Variants in LRP1B observed in about 807,000 individuals in gnomAD.
The protein encoded by LRP1B is LDL receptor related protein 1B, also known as low-density lipoprotein receptor-related protein 1B.
Under a neutral mutation model 556.6 loss-of-function variants are expected in LRP1B, and 217 were observed. That is an observed-to-expected ratio of 0.39 (90% confidence interval 0.35 to 0.44). The LOEUF is 0.44. LRP1B is among the 20% of genes least tolerant of loss of function. The probability of loss-of-function intolerance (pLI) is 1.00; values close to 1 mark genes in which losing one functional copy is unlikely to be tolerated. For missense variants in LRP1B, 5,053 were observed against 5,620.8 expected (o/e 0.90, Z 3.23); for synonymous variants, 2,047 against 1,865.8 (o/e 1.10, Z -2.50).
intron 62 of LRP1B, among the ~76,000 whole-genome samples, chr2:140,451,680 T>C (rs1686891965): frequency 6.6e-6 from 1 of 152,140 alleles, no homozygotes; most frequent in Non-Finnish European, 1.5e-5. Flanking sequence ...ACAGTTCTTT[T>C]CATTAGAATT....
intron 1 of LRP1B, among the ~76,000 whole-genome samples, chr2:141,904,911 T>A (rs1454840285): frequency 6.6e-6 from 1 of 151,944 alleles, no homozygotes; most frequent in Admixed American, 6.6e-5. Context: ...CCTGACCACC[T>A]ACTTGGGTAA....
At position 141,370,845 on chromosome 2, in the gene LRP1B, T is replaced by C. The variant is rs575063127; in HGVS notation, c.343+109551A>G. Among the ~76,000 whole-genome samples the C allele has an allele frequency of 2.8e-3, 421 of 152,296 alleles. 1 individual carries two copies. Among genetic ancestry groups the C allele is most frequent in the Non-Finnish European group, 3.8e-3 (257 of 68,010 alleles). ...TATATGATGAGATATATGGATCCAG[T>C]TTCATTCTCCTGCATACGGCAGTCC... On this transcript the variant is annotated intron_variant, in intron 3 of 90. Transcript: ENST00000389484.
chr2:141,613,865 G>A (rs1049586898), intron 2 of LRP1B, among the ~76,000 whole-genome samples: 1 of 151,942 alleles, frequency 6.6e-6, no homozygotes, highest in African/African-American at 2.4e-5. Context: ...CTTAAGTCGG[G>A]AGTTCAAGAC....
rs576244982 is a variant in LRP1B, at chr2:141,856,511, C to T, written c.83-46110G>A. 3.3e-5 allele frequency among the ~76,000 whole-genome samples: 5 copies of T among 152,254 alleles called. 1 individual carries two copies. Among genetic ancestry groups the T allele is most frequent in the African/African-American group, 1.2e-4 (5 of 41,560 alleles). ...TTGAAAACAATTAATAGATCACTCC[C>T]CAGCTGCTACTTCTGAAAGCTAAAC... On this transcript the variant is annotated intron_variant, in intron 1 of 90. Transcript: ENST00000389484.
chr2:141,986,700 C>T (rs1332294451), intron 1 of LRP1B, among the ~76,000 whole-genome samples: 1 of 151,884 alleles, frequency 6.6e-6, no homozygotes, highest in Non-Finnish European at 1.5e-5. Flanking sequence ...CAGACCAATA[C>T]AATCTCTTAA....
intron 83 of LRP1B, among the ~76,000 whole-genome samples, chr2:140,303,053 G>T (rs917622763): frequency 8.2e-5 from 5 of 60,812 alleles, no homozygotes; most frequent in South Asian, 5.4e-4. Context: ...ATATATATAT[G>T]GACATACACA....
chr2:140,437,635 T>C (rs1327997334), intron 66 of LRP1B, among the ~76,000 whole-genome samples: 1 of 152,250 alleles, frequency 6.6e-6, no homozygotes, highest in Non-Finnish European at 1.5e-5. Flanking sequence ...ATAGGTTATC[T>C]TGAAATCATG....
chr2:140,733,905 A>T (rs764304532), intron 35 of LRP1B, among the ~76,000 whole-genome samples: 3 of 152,210 alleles, frequency 2.0e-5, no homozygotes, highest in African/African-American at 2.4e-5. Flanking sequence ...TTCCTAATCA[A>T]ATCACCTATG....
intron 66 of LRP1B, among the ~76,000 whole-genome samples, chr2:140,400,392 C>T (rs944383497): frequency 5.3e-5 from 8 of 152,144 alleles, no homozygotes; most frequent in Non-Finnish European, 8.8e-5. Flanking sequence ...GGATGAATCT[C>T]GTTCCTGTAG....
intron 3 of LRP1B, among the ~76,000 whole-genome samples, chr2:141,269,264 A>G (rs1685001079): frequency 6.6e-6 from 1 of 152,228 alleles, no homozygotes; most frequent in African/African-American, 2.4e-5. Flanking sequence ...CAGGACAGAT[A>G]AAACCAGACA....
intron 41 of LRP1B, among the ~76,000 whole-genome samples, chr2:140,634,814 A>C (rs933377202): frequency 6.6e-6 from 1 of 152,114 alleles, no homozygotes. Flanking sequence ...AAATTCTGAG[A>C]AACTGCCATG....
At chr2:142,037,091 AC>A in intron 1 of LRP1B, among the ~76,000 whole-genome samples, 1 of 151,752 alleles carries the variant, frequency 6.6e-6, no homozygotes, top group Non-Finnish European at 1.5e-5. Context: ...TTCTTTATTC[AC>A]GTTCATAAAT....
chr2:140,506,647 T>C, intron 53 of LRP1B, 149 bp downstream of exon 53: 1 of 714,664 alleles, frequency 1.4e-6, no homozygotes. Flanking sequence ...AAATAAGTTA[T>C]ATGTGCTGTG....
At chr2:140,233,683 G>A (rs1680570543) in intron 90 of LRP1B, among the ~76,000 whole-genome samples, 1 of 151,138 alleles carries the variant, frequency 6.6e-6, no homozygotes, top group South Asian at 2.1e-4. Context: ...TTTTTGTGTT[G>A]TCCCCCTTAT....
intron 7 of LRP1B, among the ~76,000 whole-genome samples, chr2:141,179,544 G>A (rs1174717162): frequency 3.3e-5 from 5 of 151,970 alleles, no homozygotes; most frequent in Non-Finnish European, 7.4e-5. Flanking sequence ...CATTTTATCT[G>A]TAGTTAATGG....
At chr2:141,771,931 G>A (rs1463848067) in intron 2 of LRP1B, among the ~76,000 whole-genome samples, 1 of 152,100 alleles carries the variant, frequency 6.6e-6, no homozygotes, top group East Asian at 1.9e-4. Context: ...CAATTCTCCT[G>A]CCTCAGCCTC....
intron 43 of LRP1B, among the ~76,000 whole-genome samples, chr2:140,587,897 C>T (rs1328121112): frequency 6.7e-6 from 1 of 148,952 alleles, no homozygotes; most frequent in Non-Finnish European, 1.5e-5. Context: ...TAATAGATAT[C>T]TCATCAGAAA....
At position 140,353,012 on chromosome 2, in the gene LRP1B, G is replaced by A. The variant is rs2105122048; in HGVS notation, c.11591C>T (p.Ser3864Leu). 1 of 1,612,696 alleles carries A rather than the reference G, an allele frequency of 6.2e-7. No homozygotes were observed. The highest frequency in any genetic ancestry group is 1.3e-5 in the African/African-American group (1 of 74,962). ...CSHQCINVEGSYKCVCDQNFQ... is the reference protein window; with the variant it reads ...CSHQCINVEGLYKCVCDQNFQ... ...ATTCTGGTCACACACACATTTATAT[G>A]ATCCTTCCACATTTATACATTGATG... is the stretch of plus-strand genomic sequence containing the variant. The change falls in exon 76 of 91, where the codon TCA (serine) becomes TTA (leucine). Residue 3864 changes from serine to leucine, a missense_variant. Coordinates refer to ENST00000389484, the MANE Select transcript of LRP1B (RefSeq NM_018557.3).
rs577779189 is a variant in LRP1B, at chr2:141,358,226, A to G, written c.344-103585T>C. Among the ~76,000 whole-genome samples the G allele has an allele frequency of 2.0e-5, 3 of 152,352 alleles. No individual in the cohort carries two copies. The East Asian group carries it at 5.8e-4, about 29-fold the overall frequency. ...AGAGAATTACTTTCAAAGATGTTAG[A>G]CAAGCTGAAATCACAATCAGGAAAG... On this transcript the variant is annotated intron_variant, in intron 3 of 90. Transcript: ENST00000389484.
Sources: allele counts gnomAD v4.1 joint callset (sites outside exome capture counted in the v4.1 genomes callset), GRCh38; gene constraint gnomAD v4.1.1; transcripts MANE v1.5; gene names NCBI Gene and HGNC (gene_info 2026-07-23, HGNC 2026-07-21).